The following PDE4D variants were observed in gnomAD, a reference collection of about 807,000 sequenced individuals.
PDE4D encodes the protein 3',5'-cyclic-AMP phosphodiesterase 4D.
In PDE4D, 24 loss-of-function variants were observed where a neutral mutation model predicts 87.4. The observed-to-expected ratio is 0.27, with a 90% CI of 0.20 to 0.39. PDE4D has a LOEUF of 0.39. PDE4D is among the 10% of genes least tolerant of loss of function. The pLI, the probability that PDE4D is intolerant of heterozygous loss-of-function variation, is 1.00. For missense variants in PDE4D, 714 were observed against 1,041.0 expected (o/e 0.69, Z 4.32); for synonymous variants, 384 against 383.2 (o/e 1.00, Z -0.02).
At chr5:60,102,978 A>G (rs1467077617) in intron 2 of PDE4D, among the ~76,000 whole-genome samples, 2 of 126,080 alleles carry the variant, frequency 1.6e-5, no homozygotes, top group Non-Finnish European at 3.1e-5. Flanking sequence ...AAGAAATGAC[A>G]AAAAAAAAAA....
intron 1 of PDE4D, among the ~76,000 whole-genome samples, chr5:59,618,347 T>C (rs1216875738): frequency 6.6e-6 from 1 of 152,110 alleles, no homozygotes; most frequent in African/African-American, 2.4e-5. Flanking sequence ...GAGGGTGTTC[T>C]AGGCAAAAAC....
chr5:59,493,931 T>C (rs1308389364), intron 1 of PDE4D, among the ~76,000 whole-genome samples: 1 of 152,208 alleles, frequency 6.6e-6, no homozygotes, highest in East Asian at 1.9e-4. Flanking sequence ...CTGACCACAT[T>C]ACGAAATAGT....
Position 59,002,338 on chromosome 5 carries a change from T to C in PDE4D, c.922-8873A>G, listed in dbSNP as rs532061013. Among the ~76,000 whole-genome samples the C allele has an allele frequency of 1.7e-4, 26 of 152,292 alleles. No homozygotes were observed. In the South Asian group the frequency reaches 5.4e-3, roughly 32 times the overall value. The stretch of plus-strand genomic sequence containing the variant: ...AGCTAGTCTCCAAAGATACTCTTAA[T>C]GAGCCACACTGTCCTACACTGAATC... On this transcript the variant is annotated intron_variant, in intron 6 of 14. Transcript: ENST00000340635.
chr5:59,798,597 A>G (rs1358113202), intron 1 of PDE4D, among the ~76,000 whole-genome samples: 1 of 152,150 alleles, frequency 6.6e-6, no homozygotes, highest in Non-Finnish European at 1.5e-5. Context: ...GAAAAAACCC[A>G]AGCAAACCTA....
At chr5:60,486,652 T>C (rs1749165099) in intron 1 of PDE4D, among the ~76,000 whole-genome samples, 1 of 152,226 alleles carries the variant, frequency 6.6e-6, no homozygotes, top group African/African-American at 2.4e-5. Context: ...GCCAGTTGTT[T>C]AGGTGCAATC....
At chr5:59,864,315 C>A (rs1746707834) in intron 1 of PDE4D, among the ~76,000 whole-genome samples, 1 of 152,092 alleles carries the variant, frequency 6.6e-6, no homozygotes. Context: ...AAAAATATGA[C>A]AATTTTTGCA....
intron 2 of PDE4D, among the ~76,000 whole-genome samples, chr5:60,071,102 A>C (rs923536603): frequency 6.6e-6 from 1 of 151,804 alleles, no homozygotes; most frequent in African/African-American, 2.4e-5. Flanking sequence ...AGGTTTTACC[A>C]ATTTAGTTTA....
At chr5:60,450,120 C>A (rs184185579) in intron 1 of PDE4D, among the ~76,000 whole-genome samples, 40 of 149,536 alleles carry the variant, frequency 2.7e-4, no homozygotes, top group African/African-American at 9.5e-4. Context: ...GTTCACATAC[C>A]ATAATTTTAT....
intron 1 of PDE4D, among the ~76,000 whole-genome samples, chr5:60,211,040 G>T (rs1743149694): frequency 6.6e-6 from 1 of 152,176 alleles, no homozygotes; most frequent in Non-Finnish European, 1.5e-5. Context: ...CGCGACAGGA[G>T]CCGGCCAAGC....
chr5:60,389,788 T>C (rs2150024126), intron 1 of PDE4D, among the ~76,000 whole-genome samples: 1 of 152,214 alleles, frequency 6.6e-6, no homozygotes, highest in South Asian at 2.1e-4. Flanking sequence ...AAGCGACCCA[T>C]TTCTGAAGGT....
At chr5:59,465,490 C>T (rs1801450142) in intron 1 of PDE4D, among the ~76,000 whole-genome samples, 1 of 152,184 alleles carries the variant, frequency 6.6e-6, no homozygotes, top group Non-Finnish European at 1.5e-5. Context: ...TCTCCTGGTA[C>T]TGTGTATATT....
intron 1 of PDE4D, among the ~76,000 whole-genome samples, chr5:59,650,077 T>C (rs1743205255): frequency 6.6e-6 from 1 of 151,670 alleles, no homozygotes; most frequent in Admixed American, 6.6e-5. Flanking sequence ...GTACAAAAGG[T>C]TTACATGAAA....
intron 2 of PDE4D, among the ~76,000 whole-genome samples, chr5:60,047,542 C>T (rs1377406188): frequency 1.2e-4 from 18 of 152,154 alleles, no homozygotes; most frequent in South Asian, 6.2e-4. Flanking sequence ...GCTTTGAATG[C>T]GTCCCAGAGA....
rs1262797446 is a variant in PDE4D at position 59,826,687 on chromosome 5, TG to T, written c.455+66480del. On this transcript the variant is annotated intron_variant, in intron 1 of 14. Coordinates refer to ENST00000340635, the MANE Select transcript of PDE4D (RefSeq NM_001104631.2). ...TCATAAAGATCAGTTTCTGTAAACC[TG>T]TATAGCTCTTAACACAGCAGTCAAT... 7.9e-5 allele frequency among the ~76,000 whole-genome samples: 12 copies of T among 152,222 alleles called. No homozygotes were observed. In the East Asian group the frequency reaches 1.4e-3, roughly 17 times the overall value.
In PDE4D at chr5:60,277,689, G is replaced by A. The variant is rs1751510421; in HGVS notation, c.-89-92002C>T. On this transcript the variant is annotated intron_variant, in intron 1 of 16. Transcript: ENST00000502484. ...TGCATTTGGACTATTTACAGCTACT[G>A]CAATAATTGGTATGCTAGGGCTTAA... Among the ~76,000 whole-genome samples, 4 of 152,180 alleles carry A rather than the reference G, an allele frequency of 2.6e-5. No homozygotes were observed. The South Asian group carries it at 8.3e-4, about 32-fold the overall frequency.
Position 60,475,823 on chromosome 5 carries a change from GA to G in PDE4D, c.-90+12118del, listed in dbSNP as rs397792795. On this transcript the variant is annotated intron_variant, in intron 1 of 16. Transcript: ENST00000502484. Reference sequence around the variant, plus strand: ...ACTTCACTTCTCTCATCTGTTAAATGAAAAAAAAAAAAAAAAAAAGACAATT... The same window carrying G: ...ACTTCACTTCTCTCATCTGTTAAATGAAAAAAAAAAAAAAAAAAGACAATT... Among the ~76,000 whole-genome samples, 778 of 95,036 alleles carry G rather than the reference GA, an allele frequency of 8.2e-3. 2 individuals carry two copies. The highest frequency in any genetic ancestry group is 0.019 in the African/African-American group (560 of 29,338). 62.3% of individuals were successfully genotyped at this position (95,036 alleles called of 152,430 possible). A position where few individuals can be genotyped will look rare whatever the true frequency, so the allele number is the denominator to read the frequency against.
Position 59,673,421 on chromosome 5 carries a change from C to T in PDE4D, c.455+219747G>A, listed in dbSNP as rs529371675. Among the ~76,000 whole-genome samples the T allele has an allele frequency of 2.0e-5, 3 of 152,264 alleles. No homozygotes were observed. In the South Asian group the frequency reaches 6.2e-4, roughly 32 times the overall value. On this transcript the variant is annotated intron_variant, in intron 1 of 14. Transcript: ENST00000340635. The stretch of plus-strand genomic sequence containing the variant: ...TCTTAGAGGCATGCTTCACTTTTGT[C>T]CTCAGTAATGATTATTTCAATATAC...
At chr5:59,294,372 C>T (rs535845326) in intron 1 of PDE4D, among the ~76,000 whole-genome samples, 1 of 152,066 alleles carries the variant, frequency 6.6e-6, no homozygotes, top group Non-Finnish European at 1.5e-5. Context: ...AAAATGGTGG[C>T]CCTGTCTTTC....
At chr5:59,662,795 G>C (rs906688169) in intron 1 of PDE4D, among the ~76,000 whole-genome samples, 2 of 152,134 alleles carry the variant, frequency 1.3e-5, no homozygotes, top group Non-Finnish European at 2.9e-5. Context: ...GAGTGGGTGA[G>C]AGTCCTAGAT....
Sources: allele counts gnomAD v4.1 joint callset (sites outside exome capture counted in the v4.1 genomes callset), GRCh38; gene constraint gnomAD v4.1.1; transcripts MANE v1.5; gene names NCBI Gene and HGNC (gene_info 2026-07-23, HGNC 2026-07-21).